The following KAT6A variants were observed in gnomAD, a reference collection of about 807,000 sequenced individuals.
The protein encoded by KAT6A is histone acetyltransferase KAT6A.
A neutral mutation model predicts 198.4 loss-of-function variants in KAT6A; 9 were observed. The observed-to-expected ratio is 0.05, with a 90% CI of 0.03 to 0.08. The LOEUF (loss-of-function observed/expected upper bound fraction) is 0.08. KAT6A is among the 10% of genes least tolerant of loss of function. The pLI is 1.00. For synonymous variants in KAT6A, 890 were observed against 883.0 expected, an observed-to-expected ratio of 1.01 and a Z score of -0.14; for missense variants, 2,077 against 2,509.9, an observed-to-expected ratio of 0.83 and a Z score of 3.69.
At position 41,931,388 on chromosome 8, in the gene KAT6A, A is replaced by T. The variant is rs1380134464; in HGVS notation, c.*817T>A. 3 of 213,758 alleles carry T rather than the reference A, an allele frequency of 1.4e-5. No individual in the cohort carries two copies. The highest frequency in any genetic ancestry group is 6.8e-5 in the African/African-American group (3 of 44,158). 13.2% of individuals were successfully genotyped at this position (213,758 alleles called of 1,614,324 possible). A position where few individuals can be genotyped will look rare whatever the true frequency, so the allele number is the denominator to read the frequency against. On this transcript the variant is annotated 3_prime_UTR_variant, in exon 17 of 17. Coordinates refer to ENST00000265713, the MANE Select transcript of KAT6A (RefSeq NM_006766.5). ...CAAAGGCTGGATTTGGATTGCAAAC[A>T]GCTTTTCTCTGAGATTCTGCTGTTA...
In KAT6A at chr8:41,952,705, T is replaced by C. The variant is rs1822725251; in HGVS notation, c.1598+2591A>G. ...ATAAGAAAATAATTTATAAGCAGTT[T>C]AGCACGAAATAATAAATAGGCATTA... On this transcript the variant is annotated intron_variant, in intron 9 of 16. Transcript: ENST00000265713. 2.0e-5 allele frequency among the ~76,000 whole-genome samples: 3 copies of C among 152,174 alleles called. No homozygotes were observed. The South Asian group carries it at 6.2e-4, about 32-fold the overall frequency.
At chr8:42,025,551 G>A (rs956037268) in intron 2 of KAT6A, among the ~76,000 whole-genome samples, 2 of 152,066 alleles carry the variant, frequency 1.3e-5, no homozygotes, top group South Asian at 2.1e-4. Flanking sequence ...CCATTTGTAT[G>A]TATTCTTTTG....
Position 41,977,074 on chromosome 8 carries a change from A to C in KAT6A, c.1297T>G (p.Tyr433Asp). The C allele has an allele frequency of 6.2e-7, 1 of 1,614,188 alleles. No homozygotes were observed. Among genetic ancestry groups the C allele is most frequent in the Non-Finnish European group, 8.5e-7 (1 of 1,180,020 alleles). The part of the protein sequence containing the change: ...GRKARGEVVD[Y>D]SEQYRIRKRG... The stretch of plus-strand genomic sequence containing the variant: ...TTTCTGATTCGATATTGCTCAGAGT[A>C]GTCCACCACTTCCCCCCGAGCTTTC... Residue 433 changes from tyrosine (Y) to aspartate (D), a missense_variant, in exon 7 of 17, where the codon TAC becomes GAC. Physicochemically the swap from Tyr to Asp is radical, Grantham distance 160 (BLOSUM62 -3). Transcript: ENST00000265713.
chr8:42,007,571 T>C (rs1003239700), intron 2 of KAT6A, among the ~76,000 whole-genome samples: 1 of 152,172 alleles, frequency 6.6e-6, no homozygotes, highest in Non-Finnish European at 1.5e-5. Context: ...ACTGAGCTTT[T>C]AAGGGCTGAG....
chr8:42,009,994 A>C (rs546351214), intron 2 of KAT6A, among the ~76,000 whole-genome samples: 1 of 152,024 alleles, frequency 6.6e-6, no homozygotes, highest in African/African-American at 2.4e-5. Flanking sequence ...CCAACAGAAA[A>C]AAATAAATAA....
At chr8:41,993,888 G>A (rs1223489365) in intron 2 of KAT6A, among the ~76,000 whole-genome samples, 3 of 152,196 alleles carry the variant, frequency 2.0e-5, no homozygotes, top group Non-Finnish European at 2.9e-5. Flanking sequence ...GAAAACCAGT[G>A]AGGTAGGGCT....
At chr8:41,955,017 T>C (rs909012887) in intron 9 of KAT6A, among the ~76,000 whole-genome samples, 1 of 141,362 alleles carries the variant, frequency 7.1e-6, no homozygotes, top group Admixed American at 7.2e-5. Flanking sequence ...GAAGACAAAT[T>C]TCTCTTAAAA....
chr8:42,022,627 C>G (rs898266255), intron 2 of KAT6A, among the ~76,000 whole-genome samples: 12 of 152,144 alleles, frequency 7.9e-5, no homozygotes, highest in African/African-American at 2.7e-4. Flanking sequence ...CTCTCACATA[C>G]TGGTGATGAC....
Position 41,933,422 on chromosome 8 carries a change from G to C in KAT6A, c.4798C>G (p.Gln1600Glu), listed in dbSNP as rs373394333. 1 of 1,611,598 alleles carries C rather than the reference G, an allele frequency of 6.2e-7. No individual in the cohort carries two copies. The highest frequency in any genetic ancestry group is 8.5e-7 in the Non-Finnish European group (1 of 1,179,408). Residue 1600 changes from glutamine (Q) to glutamate (E), a missense_variant, in exon 17 of 17, where the codon CAG becomes GAG. By Grantham distance (29) the Gln-to-Glu change is conservative (BLOSUM62 2). Coordinates refer to ENST00000265713, the MANE Select transcript of KAT6A (RefSeq NM_006766.5). The surrounding 1 kb of genome is among the most constrained non-coding windows in gnomAD (Gnocchi z 6.2). ...GGLSSSSSLT[Q>E]SSCVVTQQMA... ...TGCTGAGTGACCACACAGCTGCTCT[G>C]GGTGAGGCTGCTGGAGGACGACAGC...
chr8:41,968,306 T>C (rs1823611845), intron 8 of KAT6A, among the ~76,000 whole-genome samples: 1 of 152,058 alleles, frequency 6.6e-6, no homozygotes, highest in Non-Finnish European at 1.5e-5. Context: ...CATGAAAAAG[T>C]GGGCAAAGGA....
intron 2 of KAT6A, among the ~76,000 whole-genome samples, chr8:42,021,879 G>C (rs1587835273): frequency 1.3e-5 from 2 of 152,256 alleles, no homozygotes; most frequent in African/African-American, 4.8e-5. Flanking sequence ...AGTGAGCAGA[G>C]ATCGTGCCAC....
intron 11 of KAT6A, 74 bp downstream of exon 11, chr8:41,947,677 C>A: frequency 8.1e-7 from 1 of 1,235,368 alleles, no homozygotes; most frequent in Non-Finnish European, 1.2e-6. Flanking sequence ...TTGTTGTGTC[C>A]CCGAGTGAGA....
At chr8:41,967,642 C>T (rs1291202373) in intron 8 of KAT6A, among the ~76,000 whole-genome samples, 1 of 152,054 alleles carries the variant, frequency 6.6e-6, no homozygotes, top group Non-Finnish European at 1.5e-5. Context: ...TTTTTTATGG[C>T]TACATAGTAT....
chr8:41,957,505 C>T (rs1311549363), intron 8 of KAT6A: 4 of 314,842 alleles, frequency 1.3e-5, no homozygotes, highest in Non-Finnish European at 2.5e-5. Flanking sequence ...TTTCGCTAAA[C>T]ATGTGACTTT....
chr8:42,038,169 C>G (rs1209636721), intron 2 of KAT6A, among the ~76,000 whole-genome samples: 1 of 152,152 alleles, frequency 6.6e-6, no homozygotes, highest in African/African-American at 2.4e-5. Flanking sequence ...GTGTTGCAGA[C>G]CTACTGAAAA....
At chr8:41,986,468 C>A (rs1318535485) in intron 3 of KAT6A, among the ~76,000 whole-genome samples, 2 of 151,888 alleles carry the variant, frequency 1.3e-5, no homozygotes, top group African/African-American at 4.8e-5. Flanking sequence ...GACGAAGTAG[C>A]GATTATTAAA....
At chr8:41,974,872 T>A in intron 7 of KAT6A, 50 bp from the exon 8 acceptor site, 1 of 1,159,190 alleles carries the variant, frequency 8.6e-7, no homozygotes, top group Non-Finnish European at 1.2e-6. Flanking sequence ...GATTAATACA[T>A]GAACTAGAAA....
intron 9 of KAT6A, among the ~76,000 whole-genome samples, chr8:41,950,036 G>GTTAGCCACACCAATACAACTTGTAATTA (rs1297598588): frequency 6.6e-6 from 1 of 152,068 alleles, no homozygotes; most frequent in African/African-American, 2.4e-5. Flanking sequence ...AATCTCTCAT[G>GTTAGCCACACCAATACAACTTGTAATTA]TTAGCCACAC....
chr8:41,930,346 T>C lies in KAT6A; in HGVS notation c.*1859A>G, dbSNP rs1046853697. On this transcript the variant is annotated 3_prime_UTR_variant, in exon 17 of 17. Transcript: ENST00000265713. ...ACTTTCTACATAGATGACTGGGAACTGGAATAGTATATACAGAGAAACTGG... is the reference window on the plus strand; with the variant it reads ...ACTTTCTACATAGATGACTGGGAACCGGAATAGTATATACAGAGAAACTGG... 15 of 210,830 alleles carry C rather than the reference T, an allele frequency of 7.1e-5. No homozygotes were observed. Among genetic ancestry groups the C allele is most frequent in the African/African-American group, 3.3e-4 (14 of 42,820 alleles). 13.1% of individuals were successfully genotyped at this position (210,830 alleles called of 1,614,324 possible).
Sources: gnomAD v4.1 joint callset for allele counts (sites outside exome capture counted in the v4.1 genomes callset) on GRCh38, gnomAD v4.1.1 for gene constraint, Gnocchi (gnomAD v3.1) non-coding constraint, MANE v1.5 for transcripts, NCBI Gene and HGNC (gene_info 2026-07-23, HGNC 2026-07-21) for gene names.